Variants in ANO1 observed in about 807,000 individuals in gnomAD.
ANO1 encodes the protein anoctamin-1.
ANO1 carries 59 observed loss-of-function variants against 124.0 expected under a neutral mutation model. The ratio of observed to expected loss-of-function variants is 0.48; its 90% CI spans 0.39 to 0.59. The LOEUF (loss-of-function observed/expected upper bound fraction) is 0.59. Ranked by LOEUF, ANO1 falls within the 20% of genes least tolerant of loss-of-function variation. The pLI is 0.00. For missense variants in ANO1, 1,059 were observed against 1,328.0 expected, an observed-to-expected ratio of 0.80 and a Z score of 3.15; for synonymous variants, 529 against 532.0, an observed-to-expected ratio of 0.99 and a Z score of 0.08.
At chr11:70,064,476 G>A (rs1857670487) in intron 1 of ANO1, 1 of 152,264 alleles carries the variant, frequency 6.6e-6, no homozygotes, top group Admixed American at 6.5e-5. Context: ...CCTGGACTGA[G>A]GCAAACTTTA....
chr11:69,986,979 G>T (rs573089428), intron 1 of ANO1, among the ~76,000 whole-genome samples: 3 of 152,252 alleles, frequency 2.0e-5, no homozygotes, highest in African/African-American at 7.2e-5. Flanking sequence ...GCCAACCCGG[G>T]ACTGCTAACT....
intron 1 of ANO1, among the ~76,000 whole-genome samples, chr11:70,017,946 G>A (rs944193639): frequency 6.6e-6 from 1 of 152,142 alleles, no homozygotes; most frequent in Non-Finnish European, 1.5e-5. Flanking sequence ...TGGTCTCTGA[G>A]AGTTTTCCTC....
intron 1 of ANO1, among the ~76,000 whole-genome samples, chr11:70,007,974 C>G (rs1856524536): frequency 6.6e-6 from 1 of 152,140 alleles, no homozygotes; most frequent in African/African-American, 2.4e-5. Context: ...GAGGTGGTAT[C>G]TCCTTGTGGT....
At chr11:70,099,413 G>A (rs764691553) in intron 2 of ANO1, among the ~76,000 whole-genome samples, 12 of 152,188 alleles carry the variant, frequency 7.9e-5, no homozygotes, top group African/African-American at 2.4e-4. Flanking sequence ...AGCAGCCACC[G>A]GCTCCTTGAC....
chr11:70,181,176 C>T (rs2048914745), intron 23 of ANO1, among the ~76,000 whole-genome samples: 1 of 152,258 alleles, frequency 6.6e-6, no homozygotes, highest in Non-Finnish European at 1.5e-5. Flanking sequence ...CTTCCACCCT[C>T]TGGCTGAGCC....
At chr11:70,040,547 G>A (rs921695530) in intron 1 of ANO1, among the ~76,000 whole-genome samples, 53 of 152,162 alleles carry the variant, frequency 3.5e-4, no homozygotes, top group African/African-American at 1.2e-3. Flanking sequence ...ATGGTGGCAC[G>A]CACCTGCAAT....
At chr11:70,088,822 G>A (rs565040656) in intron 2 of ANO1, among the ~76,000 whole-genome samples, 3 of 152,348 alleles carry the variant, frequency 2.0e-5, no homozygotes, top group Non-Finnish European at 4.4e-5. Flanking sequence ...AGAGTGAGAT[G>A]TGGGTCCAGC....
Position 70,180,932 on chromosome 11 carries a change from G to T in ANO1, c.2403+876G>T, listed in dbSNP as rs368919966. Among the ~76,000 whole-genome samples, 680 of 152,114 alleles carry T rather than the reference G, an allele frequency of 4.5e-3. 2 individuals are homozygous for T. Among genetic ancestry groups the T allele is most frequent in the African/African-American group, 0.016 (644 of 41,506 alleles). On this transcript the variant is annotated intron_variant, in intron 23 of 25. Transcript: ENST00000355303. ...TCCAGGCCCCTCAGCCTCCTCCCCA[G>T]CATGGCAGCCCCTTCCAGCCTCTCC...
Position 70,132,076 on chromosome 11 carries a change from TG to T in ANO1, c.1258+1del. On this transcript the variant is annotated frameshift_variant and splice_region_variant, in exon 11 of 26. Coordinates refer to ENST00000355303, the MANE Select transcript of ANO1 (RefSeq NM_018043.7). LOFTEE classifies it high-confidence loss of function. ...CTTCTTCTCTGTCTTCATGGCCCTCTGGGGTAAGCAGGGCTCCAGAGCACTG... is the reference window on the plus strand; with the variant it reads ...CTTCTTCTCTGTCTTCATGGCCCTCTGGGTAAGCAGGGCTCCAGAGCACTG... ...TVFFSVFMAL[W>X]AATFMEHWKR... 6.3e-7 allele frequency: 1 copy of T among 1,590,170 alleles called. No individual in the cohort carries two copies. The highest frequency in any genetic ancestry group is 1.1e-5 in the South Asian group (1 of 88,108).
At chr11:70,156,356 A>G (rs1285161996) in intron 15 of ANO1, among the ~76,000 whole-genome samples, 2 of 152,082 alleles carry the variant, frequency 1.3e-5, no homozygotes, top group Non-Finnish European at 2.9e-5. Flanking sequence ...GCATTTTCCC[A>G]TGGAAAAATC....
Position 70,052,306 on chromosome 11 carries a change from A to G in ANO1, c.59-26236A>G, listed in dbSNP as rs187549291. 5.3e-5 allele frequency among the ~76,000 whole-genome samples: 8 copies of G among 152,254 alleles called. No homozygotes were observed. The East Asian group carries it at 1.5e-3, about 29-fold the overall frequency. ...CCTTGAATACCACACTGTTATAACT[A>G]TTGTTGGTCGATATGAATATCAGAT... On this transcript the variant is annotated intron_variant, in intron 1 of 27. Transcript: ENST00000531349.
At chr11:70,082,266 A>G (rs1373816095) in intron 1 of ANO1, among the ~76,000 whole-genome samples, 1 of 152,218 alleles carries the variant, frequency 6.6e-6, no homozygotes, top group Non-Finnish European at 1.5e-5. Context: ...CATCAAAAAG[A>G]TGAATAAGAG....
intron 25 of ANO1, among the ~76,000 whole-genome samples, chr11:70,187,006 C>A (rs2049154056): frequency 6.6e-6 from 1 of 152,234 alleles, no homozygotes; most frequent in South Asian, 2.1e-4. Context: ...CTGGCCTCAC[C>A]TGGAGGCAAG....
chr11:70,053,586 A>G (rs1857387432), intron 1 of ANO1, among the ~76,000 whole-genome samples: 1 of 152,168 alleles, frequency 6.6e-6, no homozygotes, highest in Admixed American at 6.5e-5. Context: ...TTTGGTCATA[A>G]TATTTTAACC....
chr11:70,159,441 G>A (rs1217881620), intron 16 of ANO1, among the ~76,000 whole-genome samples: 1 of 152,218 alleles, frequency 6.6e-6, no homozygotes, highest in Non-Finnish European at 1.5e-5. Context: ...GGATAGGGAA[G>A]TAGCCGGCTC....
At chr11:70,114,962 G>T (rs922427480) in intron 7 of ANO1, among the ~76,000 whole-genome samples, 1 of 152,172 alleles carries the variant, frequency 6.6e-6, no homozygotes, top group Non-Finnish European at 1.5e-5. Context: ...GCTACTTGGC[G>T]GCCTTTTGGC....
chr11:70,059,413 G>A (rs562945237), intron 1 of ANO1, among the ~76,000 whole-genome samples: 3 of 151,678 alleles, frequency 2.0e-5, no homozygotes, highest in African/African-American at 4.8e-5. Flanking sequence ...AGGCCAAGTC[G>A]GGGAATTATA....
the ANO1 span, among the ~76,000 whole-genome samples, chr11:69,980,645 T>C: frequency 2.0e-5 from 3 of 150,744 alleles, no homozygotes; most frequent in Non-Finnish European, 4.4e-5. Context: ...ACTGTAGAGA[T>C]TGATGGCTGT....
At chr11:70,184,572 G>T (rs1317225902) in intron 24 of ANO1, among the ~76,000 whole-genome samples, 1 of 152,210 alleles carries the variant, frequency 6.6e-6, no homozygotes, top group Non-Finnish European at 1.5e-5. Context: ...AACCCTGGAG[G>T]AGGAAAAGCA....
Sources: allele counts gnomAD v4.1 joint callset (sites outside exome capture counted in the v4.1 genomes callset), GRCh38; gene constraint gnomAD v4.1.1; transcripts MANE v1.5; gene names NCBI Gene and HGNC (gene_info 2026-07-23, HGNC 2026-07-21).